Variants in RUNDC3A observed in about 807,000 individuals in gnomAD.
The protein encoded by RUNDC3A is RUN domain-containing protein 3A.
RUNDC3A carries 28 observed loss-of-function variants against 53.9 expected under a neutral mutation model. The ratio of observed to expected loss-of-function variants is 0.52; its 90% CI spans 0.38 to 0.71. The LOEUF is 0.71. RUNDC3A is among the 30% of genes least tolerant of loss of function. RUNDC3A has a pLI of 0.00. For missense variants in RUNDC3A, 491 were observed against 597.3 expected (o/e 0.82, Z 1.85); for synonymous variants, 232 against 249.4 (o/e 0.93, Z 0.66).
chr17:44,318,414 G>A lies in RUNDC3A; in HGVS notation c.*176G>A, dbSNP rs1455268707. 3.9e-6 allele frequency: 3 copies of A among 770,186 alleles called. No homozygotes were observed. The highest frequency in any genetic ancestry group is 4.0e-6 in the Non-Finnish European group (2 of 496,116). The allele number at this position is 770,186 out of a possible 1,614,324, so 47.7% of individuals were successfully genotyped here. The stretch of plus-strand genomic sequence containing the variant: ...CTTAGCTTTCTGCCTTGGCAGCACG[G>A]GCTGCGGAAGAAAGCACGCTGGGCC... On this transcript the variant is annotated 3_prime_UTR_variant, in exon 11 of 11. Transcript: ENST00000426726.
chr17:44,313,989 C>T (rs908323151), intron 4 of RUNDC3A: 2 of 991,794 alleles, frequency 2.0e-6, no homozygotes, highest in African/African-American at 1.7e-5. Flanking sequence ...ACTTTTACCA[C>T]CACCACCACC....
At chr17:44,317,536 A>G (rs754120207) in intron 10 of RUNDC3A, 1 of 780,890 alleles carries the variant, frequency 1.3e-6, no homozygotes, top group Non-Finnish European at 2.4e-6. Flanking sequence ...CCAGGACTTC[A>G]ACGCATGCAC....
At chr17:44,313,916 C>T (rs1486292439) in intron 4 of RUNDC3A, 13 of 955,612 alleles carry the variant, frequency 1.4e-5, no homozygotes, top group African/African-American at 1.8e-5. Flanking sequence ...GTGATCCTCC[C>T]GCCTTGGCCT....
intron 1 of RUNDC3A, 24 bp from the exon 2 acceptor site, chr17:44,312,556 C>T (rs2047768058): frequency 1.4e-6 from 2 of 1,393,084 alleles, no homozygotes; most frequent in Non-Finnish European, 2.0e-6. Flanking sequence ...CCCCACTGCC[C>T]CATCTCCCCA....
rs1236765599 is a variant in RUNDC3A, at chr17:44,318,272, A to T, written c.*34A>T. On this transcript the variant is annotated 3_prime_UTR_variant, in exon 11 of 11. Coordinates refer to ENST00000426726, the MANE Select transcript of RUNDC3A (RefSeq NM_001144825.2). ...ATGGGCAGTGCCAGCCCCACCTGCCAGGGGCCATGGACACCTGCCACCTTT... is the reference window on the plus strand; with the variant it reads ...ATGGGCAGTGCCAGCCCCACCTGCCTGGGGCCATGGACACCTGCCACCTTT... 5.2e-6 allele frequency: 8 copies of T among 1,534,336 alleles called. No homozygotes were observed. Among genetic ancestry groups the T allele is most frequent in the African/African-American group, 1.4e-5 (1 of 72,752 alleles).
chr17:44,313,337 C>A (rs1342054194), intron 3 of RUNDC3A, 81 bp from the exon 4 acceptor site: 2 of 1,608,058 alleles, frequency 1.2e-6, no homozygotes, highest in Non-Finnish European at 1.7e-6. Context: ...CTGTGCACAG[C>A]CCAGGGGAGA....
Position 44,318,345 on chromosome 17 carries a change from C to A in RUNDC3A, c.*107C>A. ...CAGGCTACCCTTCCAGAGAACGCTA[C>A]CCACCCAGCCAGGGTTCTCTCGGGG... On this transcript the variant is annotated 3_prime_UTR_variant, in exon 11 of 11. Coordinates refer to ENST00000426726, the MANE Select transcript of RUNDC3A (RefSeq NM_001144825.2). 8.1e-7 allele frequency: 1 copy of A among 1,230,546 alleles called. No individual in the cohort carries two copies. Among genetic ancestry groups the A allele is most frequent in the Non-Finnish European group, 1.1e-6 (1 of 881,256 alleles). 76.2% of individuals were successfully genotyped at this position (1,230,546 alleles called of 1,614,324 possible).
Position 44,308,700 on chromosome 17 carries a change from G to A in RUNDC3A, c.-133G>A, listed in dbSNP as rs932647589. On this transcript the variant is annotated 5_prime_UTR_variant, in exon 1 of 11. Coordinates refer to ENST00000426726, the MANE Select transcript of RUNDC3A (RefSeq NM_001144825.2). The stretch of plus-strand genomic sequence containing the variant: ...GAGGGGGCCGGGCACCGGGCGCAAA[G>A]GCAGGGGGATGGCCATGGAAGGGTT... The A allele has an allele frequency of 2.0e-6, 1 of 509,946 alleles. No individual in the cohort carries two copies. The highest frequency in any genetic ancestry group is 3.7e-5 in the Admixed American group (1 of 26,828). The allele number at this position is 509,946 out of a possible 1,614,324, so 31.6% of individuals were successfully genotyped here.
chr17:44,308,845 T>G lies in RUNDC3A; in HGVS notation c.13T>G (p.Phe5Val). The change falls in exon 1 of 11, where the codon TTT (phenylalanine) becomes GTT (valine). Residue 5 changes from phenylalanine (F) to valine (V), a missense_variant. Transcript: ENST00000426726. ...GCCGCACATCTGGATGGAAGCGAGC[T>G]TTGTCCAGACCACCATGGCTCTGGG... MEAS[F>V]VQTTMALGLS... 6.2e-7 allele frequency: 1 copy of G among 1,608,206 alleles called. No homozygotes were observed. The highest frequency in any genetic ancestry group is 8.5e-7 in the Non-Finnish European group (1 of 1,177,132).
chr17:44,308,989 G>T, intron 1 of RUNDC3A, 50 bp downstream of exon 1: 6 of 1,317,128 alleles, frequency 4.6e-6, no homozygotes, highest in South Asian at 1.3e-5. Context: ...AGAGGGGTTG[G>T]GGTGGACTGC....
At position 44,314,958 on chromosome 17, in the gene RUNDC3A, G is replaced by A; in HGVS notation, c.578G>A (p.Gly193Glu). ...TGTCTAAAGGGGGAAGTCCTGGACG[G>A]GAAGACCCCCGTGGTCATCGATTAC... The part of the protein sequence containing the change: ...SFCLKGEVLD[G>E]KTPVVIDYTP... Residue 193 changes from glycine to glutamate, a missense_variant, in exon 6 of 11, where the codon GGG becomes GAG. Gly to Glu is a moderately conservative substitution (Grantham distance 98). This residue lies in a region of RUNDC3A where 273 missense variants were observed against 389.0 expected (regional missense o/e 0.70). Coordinates refer to ENST00000426726, the MANE Select transcript of RUNDC3A (RefSeq NM_001144825.2). 7 of 1,614,012 alleles carry A rather than the reference G, an allele frequency of 4.3e-6. No homozygotes were observed. Among genetic ancestry groups the A allele is most frequent in the Non-Finnish European group, 5.9e-6 (7 of 1,179,892 alleles).
At chr17:44,317,849 CAA>C (rs1451469456) in intron 10 of RUNDC3A, 1 of 592,686 alleles carries the variant, frequency 1.7e-6, no homozygotes, top group Non-Finnish European at 3.0e-6. Context: ...AATAAATGGA[CAA>C]AGAGAGAGGA....
rs906311262 is a variant in RUNDC3A, at chr17:44,308,769, G to A, written c.-64G>A. The A allele has an allele frequency of 8.8e-6, 10 of 1,130,950 alleles. No homozygotes were observed. Among genetic ancestry groups the A allele is most frequent in the African/African-American group, 1.6e-5 (1 of 64,366 alleles). 70.1% of individuals were successfully genotyped at this position (1,130,950 alleles called of 1,614,324 possible). A position where few individuals can be genotyped will look rare whatever the true frequency, so the allele number is the denominator to read the frequency against. On this transcript the variant is annotated 5_prime_UTR_variant, in exon 1 of 11. Coordinates refer to ENST00000426726, the MANE Select transcript of RUNDC3A (RefSeq NM_001144825.2). ...GAGGGCCCAGCCGTGATCCAGCGAC[G>A]GGTTTGGGGCTCCGGGAGGGGTGGG... is the stretch of plus-strand genomic sequence containing the variant.
Position 44,308,640 on chromosome 17 carries a change from T to C in RUNDC3A, c.-193T>C, listed in dbSNP as rs1382821878. The C allele has an allele frequency of 2.3e-6, 1 of 443,746 alleles. No homozygotes were observed. The highest frequency in any genetic ancestry group is 4.0e-6 in the Non-Finnish European group (1 of 250,902). 27.5% of individuals were successfully genotyped at this position (443,746 alleles called of 1,614,324 possible). On this transcript the variant is annotated 5_prime_UTR_variant, in exon 1 of 11. Transcript: ENST00000426726. ...CCTCGGAGAGCTCCCTCCCCGGCCT[T>C]GTTTTGCTCTGGCATCGCCGCCGGG...
At chr17:44,314,658 C>A in intron 4 of RUNDC3A, 77 bp from the exon 5 acceptor site, 1 of 1,504,548 alleles carries the variant, frequency 6.6e-7, no homozygotes, top group Non-Finnish European at 8.9e-7. Context: ...TGGCAGTAAG[C>A]CAACAATAGC....
chr17:44,316,266 C>G (rs916266718), intron 8 of RUNDC3A, 119 bp from the exon 9 acceptor site: 8 of 953,796 alleles, frequency 8.4e-6, no homozygotes, highest in Admixed American at 4.4e-5. Context: ...ACCCCAACAC[C>G]GTATCCCCAT....
At position 44,318,133 on chromosome 17, in the gene RUNDC3A, C is replaced by A; in HGVS notation, c.1236C>A (p.Gly412=). The A allele has an allele frequency of 6.4e-7, 1 of 1,551,554 alleles. No homozygotes were observed. Among genetic ancestry groups the A allele is most frequent in the Non-Finnish European group, 8.7e-7 (1 of 1,146,990 alleles). The change falls in exon 11 of 11, where the codon GGC becomes GGA. Residue 412 remains glycine, a synonymous_variant. Transcript: ENST00000426726. The part of the protein sequence containing the change: ...DPTPSMLGLC[G]SLASIPSCKS... ...CGCCCTCCATGCTGGGCCTCTGCGG[C>A]TCCCTGGCCTCCATTCCCAGCTGCA...
rs1268829917 is a variant in RUNDC3A at position 44,316,691 on chromosome 17, G to A, written c.1164G>A (p.Glu388=). 2.6e-6 allele frequency: 4 copies of A among 1,549,900 alleles called. No individual in the cohort carries two copies. The highest frequency in any genetic ancestry group is 1.9e-4 in the Middle Eastern group (1 of 5,312). Residue 388 remains glutamate, a synonymous_variant, in exon 10 of 11, where the codon GAG becomes GAA. Coordinates refer to ENST00000426726, the MANE Select transcript of RUNDC3A (RefSeq NM_001144825.2). ...SLSSDSQRLG[E]GTRDEEPWGP... is the part of the protein sequence containing the mutation. Reference sequence around the variant, plus strand: ...GCTCGGACTCCCAGCGCCTGGGAGAGGGCACGCGGGACGAGGAGCCCTGGG... The same window carrying A: ...GCTCGGACTCCCAGCGCCTGGGAGAAGGCACGCGGGACGAGGAGCCCTGGG...
chr17:44,317,784 G>A (rs1161844689), intron 10 of RUNDC3A: 1 of 599,166 alleles, frequency 1.7e-6, no homozygotes, highest in East Asian at 2.8e-5. Context: ...ACCGTGTCTT[G>A]TCCGTTCTCT....
Sources: allele counts gnomAD v4.1 joint callset, GRCh38; gene constraint gnomAD v4.1.1; regional missense constraint gnomAD v4.1.1; transcripts MANE v1.5; gene names NCBI Gene and HGNC (gene_info 2026-07-23, HGNC 2026-07-21).